The following RHBDL3 variants were observed in gnomAD, a reference collection of about 807,000 sequenced individuals.
RHBDL3 encodes the protein rhomboid-related protein 3.
A neutral mutation model predicts 48.2 loss-of-function variants in RHBDL3; 28 were observed. The ratio of observed to expected loss-of-function variants is 0.58; its 90% CI spans 0.43 to 0.80. RHBDL3 has a LOEUF of 0.80. Ranked by LOEUF, RHBDL3 falls within the 30% of genes least tolerant of loss-of-function variation. The probability of loss-of-function intolerance (pLI) is 0.00; values close to 1 mark genes in which losing one functional copy is unlikely to be tolerated. For synonymous variants in RHBDL3, 208 were observed against 232.3 expected, an observed-to-expected ratio of 0.90 and a Z score of 0.95; for missense variants, 464 against 542.7, an observed-to-expected ratio of 0.85 and a Z score of 1.44.
At chr17:32,297,392 G>T (rs1419290049) in intron 5 of RHBDL3, among the ~76,000 whole-genome samples, 1 of 152,142 alleles carries the variant, frequency 6.6e-6, no homozygotes, top group Non-Finnish European at 1.5e-5. Context: ...AACCCAGGAG[G>T]CAGAGGTTGC....
intron 5 of RHBDL3, among the ~76,000 whole-genome samples, chr17:32,295,025 AGCAGTCTGGAG>A (rs2040416139): frequency 6.6e-6 from 1 of 152,180 alleles, no homozygotes; most frequent in East Asian, 1.9e-4. Flanking sequence ...TCCCTTGAAG[AGCAGTCTGGAG>A]GCTTTTATAT....
At position 32,312,760 on chromosome 17, in the gene RHBDL3, C is replaced by T. The variant is rs567161683; in HGVS notation, c.883-3472C>T. ...CTTGAGCTCCTGGCCTCAAGTGATCCGCCTGCGTCAGCCTCCCAAAGTGCT... is the reference window on the plus strand; with the variant it reads ...CTTGAGCTCCTGGCCTCAAGTGATCTGCCTGCGTCAGCCTCCCAAAGTGCT... On this transcript the variant is annotated intron_variant, in intron 7 of 8. Coordinates refer to ENST00000269051, the MANE Select transcript of RHBDL3 (RefSeq NM_138328.3). Among the ~76,000 whole-genome samples, 1,471 of 152,074 alleles carry T rather than the reference C, an allele frequency of 9.7e-3. 26 individuals carry two copies. The highest frequency in any genetic ancestry group is 0.033 in the African/African-American group (1,364 of 41,504).
chr17:32,269,809 C>T (rs2039729287), intron 2 of RHBDL3, among the ~76,000 whole-genome samples: 1 of 152,020 alleles, frequency 6.6e-6, no homozygotes, highest in African/African-American at 2.4e-5. Context: ...TTTGCCAGTC[C>T]CTGTGTGTAT....
chr17:32,315,429 C>T (rs1189766918), intron 7 of RHBDL3, among the ~76,000 whole-genome samples: 1 of 152,160 alleles, frequency 6.6e-6, no homozygotes. Flanking sequence ...TTTTGTAAAG[C>T]GAATAATTGT....
intron 1 of RHBDL3, 178 bp from the exon 2 acceptor site, chr17:32,267,724 A>G: frequency 8.3e-7 from 1 of 1,211,306 alleles, no homozygotes; most frequent in Non-Finnish European, 1.0e-6. Context: ...CTCATTGGGG[A>G]GCTCCTCCCA....
chr17:32,314,201 TGTGAAGAAGGGGTGGCCGGTCA>T (rs2040914057), intron 7 of RHBDL3, among the ~76,000 whole-genome samples: 1 of 152,108 alleles, frequency 6.6e-6, no homozygotes, highest in Non-Finnish European at 1.5e-5. Flanking sequence ...CCTCACCTTC[TGTGAAGAAGGGGTGGCCGGTCA>T]GTGAGGAAGA....
At chr17:32,273,278 A>T (rs2039817274) in intron 2 of RHBDL3, among the ~76,000 whole-genome samples, 1 of 152,248 alleles carries the variant, frequency 6.6e-6, no homozygotes, top group East Asian at 1.9e-4. Context: ...CTGGGATTAC[A>T]GGCGCGAGCC....
chr17:32,298,222 G>A lies in RHBDL3; in HGVS notation c.781+18G>A, dbSNP rs200166242. On this transcript the variant is annotated intron_variant, in intron 6 of 8. Coordinates refer to ENST00000269051, the MANE Select transcript of RHBDL3 (RefSeq NM_138328.3). ...TGTGGCAGGTAGGCAGGTAGGCCCC[G>A]TGTCCACAAAGGCACACTGCCCCAG... The A allele has an allele frequency of 9.8e-5, 153 of 1,563,848 alleles. No individual in the cohort carries two copies. The East Asian group carries it at 2.5e-3, about 25-fold the overall frequency.
chr17:32,292,801 CA>C (rs60403728), intron 4 of RHBDL3, among the ~76,000 whole-genome samples: 5,841 of 77,110 alleles, frequency 0.076, 110 homozygotes, highest in African/African-American at 0.13. Flanking sequence ...GACTCCACCT[CA>C]AAAAAAAAAA....
intron 4 of RHBDL3, 118 bp from the exon 5 acceptor site, chr17:32,294,176 T>A: frequency 1.4e-6 from 1 of 722,608 alleles, no homozygotes; most frequent in Non-Finnish European, 2.2e-6. Context: ...GGGGTATCCC[T>A]CTTTCTCTGA....
Position 32,298,177 on chromosome 17 carries a change from C to A in RHBDL3, c.754C>A (p.Leu252Ile). 6.2e-7 allele frequency: 1 copy of A among 1,613,748 alleles called. No individual in the cohort carries two copies. The highest frequency in any genetic ancestry group is 8.5e-7 in the Non-Finnish European group (1 of 1,179,670). ...GGTGCATGGAGCCACCCGAATTGGG[C>A]TTGTCTACGTGGCCGGTGTTGTGGC... is the stretch of plus-strand genomic sequence containing the variant. ...EMVHGATRIG[L>I]VYVAGVVAGS... is the part of the protein sequence containing the mutation. The change falls in exon 6 of 9, where the codon CTT (leucine) becomes ATT (isoleucine). Residue 252 changes from leucine to isoleucine, a missense_variant. Coordinates refer to ENST00000269051, the MANE Select transcript of RHBDL3 (RefSeq NM_138328.3).
intron 8 of RHBDL3, 50 bp downstream of exon 8, chr17:32,316,342 A>G (rs2344973): frequency 0.79 from 1,133,936 of 1,430,364 alleles, 451,466 homozygotes; most frequent in African/African-American, 0.95. Context: ...CCAGGGCCTG[A>G]GGTTCAAAGA....
At chr17:32,276,295 A>G (rs925392217) in intron 2 of RHBDL3, among the ~76,000 whole-genome samples, 1 of 152,136 alleles carries the variant, frequency 6.6e-6, no homozygotes, top group African/African-American at 2.4e-5. Context: ...AGTCAGGGGA[A>G]AAGATCAAGG....
At position 32,321,406 on chromosome 17, in the gene RHBDL3, G is replaced by C; in HGVS notation, c.*177G>C. 1 of 1,522,984 alleles carries C rather than the reference G, an allele frequency of 6.6e-7. No homozygotes were observed. The highest frequency in any genetic ancestry group is 8.8e-7 in the Non-Finnish European group (1 of 1,137,632). The allele number at this position is 1,522,984 out of a possible 1,614,324, so 94.3% of individuals were successfully genotyped here. On this transcript the variant is annotated 3_prime_UTR_variant, in exon 9 of 9. Coordinates refer to ENST00000269051, the MANE Select transcript of RHBDL3 (RefSeq NM_138328.3). ...CACAGTGGAGACCCTTTTCTGAAAG[G>C]CATCTGGCGGAGGAGTTGATGTGGC...
At chr17:32,267,654 T>TGGCGGC in intron 1 of RHBDL3, 1 of 632,234 alleles carries the variant, frequency 1.6e-6, no homozygotes, top group Non-Finnish European at 2.4e-6. Context: ...ACACCCACCT[T>TGGCGGC]GCCGCCCCCG....
chr17:32,285,914 T>G (rs2040188688), intron 3 of RHBDL3, among the ~76,000 whole-genome samples: 1 of 152,230 alleles, frequency 6.6e-6, no homozygotes. Context: ...AACAGCCTCT[T>G]GGCTGAGGTC....
At chr17:32,271,008 CA>C (rs1254040469) in intron 2 of RHBDL3, among the ~76,000 whole-genome samples, 1 of 152,006 alleles carries the variant, frequency 6.6e-6, no homozygotes, top group Non-Finnish European at 1.5e-5. Flanking sequence ...CCAGCCTGGG[CA>C]ACATAGCGAG....
rs758024441 is a variant in RHBDL3 at position 32,306,925 on chromosome 17, T to TAAAGA, written c.882+1499_882+1503dup. The stretch of plus-strand genomic sequence containing the variant: ...AACAGAGTGAGACCCTGTCTCAATT[T>TAAAGA]AAAGAAAAGAAAAGAAAAGTAATAG... On this transcript the variant is annotated intron_variant, in intron 7 of 8. Coordinates refer to ENST00000269051, the MANE Select transcript of RHBDL3 (RefSeq NM_138328.3). Among the ~76,000 whole-genome samples the TAAAGA allele has an allele frequency of 8.6e-5, 13 of 152,024 alleles. 1 individual carries two copies. Among genetic ancestry groups the TAAAGA allele is most frequent in the Non-Finnish European group, 1.3e-4 (9 of 67,992 alleles).
chr17:32,270,815 GAGATCTT>G (rs2039754687), intron 2 of RHBDL3, among the ~76,000 whole-genome samples: 1 of 152,118 alleles, frequency 6.6e-6, no homozygotes, highest in Non-Finnish European at 1.5e-5. Context: ...TCATATTTTG[GAGATCTT>G]GATGGTTTTC....
Sources: gnomAD v4.1 joint callset for allele counts (sites outside exome capture counted in the v4.1 genomes callset) on GRCh38, gnomAD v4.1.1 for gene constraint, MANE v1.5 for transcripts, NCBI Gene and HGNC (gene_info 2026-07-23, HGNC 2026-07-21) for gene names.